The following RELN variants were observed in gnomAD, a reference collection of about 807,000 sequenced individuals.
The protein encoded by RELN is reelin.
RELN carries 108 observed loss-of-function variants against 427.6 expected under a neutral mutation model. The observed-to-expected ratio is 0.25, with a 90% CI of 0.22 to 0.30. The LOEUF is 0.30. Ranked by LOEUF, RELN falls within the 10% of genes least tolerant of loss-of-function variation. The pLI is 1.00. For synonymous variants in RELN, 1,524 were observed against 1,513.4 expected, an observed-to-expected ratio of 1.01 and a Z score of -0.16; for missense variants, 3,715 against 4,302.8, an observed-to-expected ratio of 0.86 and a Z score of 3.82.
At chr7:103,959,011 G>A (rs1796493660) in intron 1 of RELN, among the ~76,000 whole-genome samples, 3 of 152,134 alleles carry the variant, frequency 2.0e-5, no homozygotes, top group South Asian at 2.1e-4. Context: ...GCATGATCTC[G>A]TTTCACTGGA....
At chr7:103,743,193 T>C (rs1466963334) in intron 6 of RELN, among the ~76,000 whole-genome samples, 1 of 152,028 alleles carries the variant, frequency 6.6e-6, no homozygotes, top group African/African-American at 2.4e-5. Context: ...AATAAAATAC[T>C]TTACAGACAA....
intron 29 of RELN, among the ~76,000 whole-genome samples, chr7:103,575,160 A>T (rs569422858): frequency 1.1e-4 from 16 of 152,312 alleles, no homozygotes; most frequent in Admixed American, 8.5e-4. Flanking sequence ...TAGTTATTAA[A>T]TCTCTCTGTG....
intron 6 of RELN, among the ~76,000 whole-genome samples, chr7:103,745,705 A>G (rs1271067308): frequency 1.3e-5 from 2 of 149,468 alleles, no homozygotes; most frequent in Non-Finnish European, 3.0e-5. Flanking sequence ...AATCCAACTT[A>G]AAAGGGATGT....
chr7:103,728,633 G>A (rs1220964963), intron 6 of RELN, among the ~76,000 whole-genome samples: 3 of 152,080 alleles, frequency 2.0e-5, no homozygotes, highest in African/African-American at 4.8e-5. Context: ...ATACAAGGAC[G>A]TTTGCAAGTA....
intron 1 of RELN, among the ~76,000 whole-genome samples, chr7:103,972,977 C>A (rs1796796601): frequency 6.6e-6 from 1 of 151,428 alleles, no homozygotes; most frequent in Non-Finnish European, 1.5e-5. Flanking sequence ...GTACCATCAG[C>A]AAGAATGTAT....
chr7:103,706,036 TA>T (rs1446456497), intron 8 of RELN, among the ~76,000 whole-genome samples: 1 of 152,242 alleles, frequency 6.6e-6, no homozygotes, highest in African/African-American at 2.4e-5. Flanking sequence ...TACTGCTTAC[TA>T]AAGAACTTAC....
intron 2 of RELN, among the ~76,000 whole-genome samples, chr7:103,877,677 C>G (rs962609897): frequency 6.6e-6 from 1 of 151,996 alleles, no homozygotes; most frequent in African/African-American, 2.4e-5. Context: ...ACCCATAAGA[C>G]CCTTCAAAGT....
chr7:103,611,754 G>T lies in RELN; in HGVS notation c.2752C>A (p.Gln918Lys), dbSNP rs1202258224. 6.2e-7 allele frequency: 1 copy of T among 1,613,950 alleles called. No individual in the cohort carries two copies. Among genetic ancestry groups the T allele is most frequent in the Non-Finnish European group, 8.5e-7 (1 of 1,179,890 alleles). The change falls in exon 21 of 65, where the codon CAA becomes AAA. Residue 918 changes from glutamine (Q) to lysine (K), a missense_variant. By Grantham distance (53) the Gln-to-Lys change is moderately conservative. Around this residue, in one of 4 missense-constraint regions of RELN, gnomAD observed 2,208 missense variants for 2,361.7 expected, o/e 0.93. Transcript: ENST00000428762. ...LASSMRYVET[Q>K]SMQIGASYMI... ...TAGGATGCTCCTATCTGCATTGATT[G>T]TGTTTCCACATAGCGCATACTTGAG...
intron 27 of RELN, among the ~76,000 whole-genome samples, chr7:103,591,619 T>G (rs1831417653): frequency 6.6e-6 from 1 of 152,188 alleles, no homozygotes; most frequent in Non-Finnish European, 1.5e-5. Flanking sequence ...ACTGCATTAT[T>G]CAATAGTAAC....
At chr7:103,777,918 G>C (rs1024703082) in intron 3 of RELN, among the ~76,000 whole-genome samples, 1 of 49,974 alleles carries the variant, frequency 2.0e-5, no homozygotes, top group African/African-American at 8.1e-5. Flanking sequence ...CACACACAAT[G>C]GCACAATAGT....
intron 46 of RELN, among the ~76,000 whole-genome samples, chr7:103,531,904 T>TAG (rs1468806583): frequency 6.6e-6 from 1 of 152,156 alleles, no homozygotes; most frequent in Non-Finnish European, 1.5e-5. Flanking sequence ...CTCAAAGACC[T>TAG]AGAGGCAGAA....
At chr7:103,554,247 A>AC (rs1374060677) in intron 38 of RELN, among the ~76,000 whole-genome samples, 1 of 151,546 alleles carries the variant, frequency 6.6e-6, no homozygotes, top group African/African-American at 2.4e-5. Flanking sequence ...GGAAAAAAAA[A>AC]ACATAAAGTA....
chr7:103,965,536 T>C (rs182751938), intron 1 of RELN, among the ~76,000 whole-genome samples: 11 of 152,366 alleles, frequency 7.2e-5, no homozygotes, highest in African/African-American at 2.4e-4. Context: ...CATTTTTATA[T>C]ATTTTTAAGG....
Position 103,715,421 on chromosome 7 carries a change from A to T in RELN, c.805+7719T>A, listed in dbSNP as rs542411531. ...TTATATTTATGTTTAAACTGAGGCT[A>T]CTAGTAATAATCTCTGTTTTGACTA... On this transcript the variant is annotated intron_variant, in intron 8 of 64. Transcript: ENST00000428762. Among the ~76,000 whole-genome samples the T allele has an allele frequency of 1.2e-4, 19 of 152,312 alleles. No homozygotes were observed. The South Asian group carries it at 3.9e-3, about 32-fold the overall frequency.
intron 1 of RELN, among the ~76,000 whole-genome samples, chr7:103,942,913 G>GA (rs56880205): frequency 0.46 from 67,984 of 147,962 alleles, 15,571 homozygotes; most frequent in African/African-American, 0.49. Flanking sequence ...CTCCATCTCA[G>GA]AAAAAAAAAA....
chr7:103,824,854 T>C lies in RELN; in HGVS notation c.473+8683A>G, dbSNP rs1793096260. Among the ~76,000 whole-genome samples, 1 of 152,068 alleles carries C rather than the reference T, an allele frequency of 6.6e-6. No homozygotes were observed. The highest frequency in any genetic ancestry group is 6.6e-5 in the Admixed American group (1 of 15,244). On this transcript the variant is annotated intron_variant, in intron 3 of 64. Transcript: ENST00000428762. The surrounding 1 kb of genome is among the most constrained non-coding windows in gnomAD (Gnocchi z 4.4). ...TAATATTCCAAGCATCTCTCATTGC[T>C]ATACTATCTTCATAAATACTAATTT...
Position 103,662,250 on chromosome 7 carries a change from T to C in RELN, c.1290-723A>G, listed in dbSNP as rs1833159179. ...AGGAAGAGGACAGTATTCAAAGCCA[T>C]GCAGTGTGACTCCAGAGCCTATGCT... On this transcript the variant is annotated intron_variant, in intron 11 of 64. Coordinates refer to ENST00000428762, the MANE Select transcript of RELN (RefSeq NM_005045.4). Among the ~76,000 whole-genome samples the C allele has an allele frequency of 3.9e-5, 6 of 152,218 alleles. No individual in the cohort carries two copies. The South Asian group carries it at 1.2e-3, about 31-fold the overall frequency.
At chr7:103,491,859 C>CAT in intron 58 of RELN, 94 bp downstream of exon 58, 1 of 370,048 alleles carries the variant, frequency 2.7e-6, no homozygotes. Flanking sequence ...CTCTCTCTCA[C>CAT]ACACACACAC....
intron 19 of RELN, among the ~76,000 whole-genome samples, chr7:103,634,171 C>G (rs1167882034): frequency 2.0e-5 from 3 of 152,132 alleles, no homozygotes; most frequent in Non-Finnish European, 4.4e-5. Flanking sequence ...CTCCTACTTT[C>G]CTTAACCCTG....
Sources: gnomAD v4.1 joint callset for allele counts (sites outside exome capture counted in the v4.1 genomes callset) on GRCh38, gnomAD v4.1.1 for gene constraint, gnomAD v4.1.1 regional missense constraint, Gnocchi (gnomAD v3.1) non-coding constraint, MANE v1.5 for transcripts, NCBI Gene and HGNC (gene_info 2026-07-23, HGNC 2026-07-21) for gene names.